DCC: variants seen among roughly 807,000 people sequenced by gnomAD.
DCC encodes the protein netrin receptor DCC.
A neutral mutation model predicts 172.5 loss-of-function variants in DCC; 58 were observed. That is an observed-to-expected ratio of 0.34 (90% confidence interval 0.27 to 0.42). The LOEUF (loss-of-function observed/expected upper bound fraction) is 0.42. Among genes scored for constraint, DCC ranks in the 10% least tolerant of loss-of-function variants. The probability of loss-of-function intolerance (pLI) is 1.00; values close to 1 mark genes in which losing one functional copy is unlikely to be tolerated. For synonymous variants in DCC, 709 were observed against 644.5 expected (o/e 1.10, Z -1.52); for missense variants, 1,740 against 1,791.0 (o/e 0.97, Z 0.51).
At chr18:52,548,142 T>A (rs1169758790) in intron 1 of DCC, among the ~76,000 whole-genome samples, 2 of 152,132 alleles carry the variant, frequency 1.3e-5, no homozygotes, top group African/African-American at 4.8e-5. Flanking sequence ...TAGCCTTTTC[T>A]TTTCTTTTCC....
chr18:52,831,894 AG>A (rs1191601284), intron 2 of DCC, among the ~76,000 whole-genome samples: 1 of 152,130 alleles, frequency 6.6e-6, no homozygotes, highest in Non-Finnish European at 1.5e-5. Context: ...AGGTCTATAA[AG>A]GAGTATCTGA....
At chr18:52,859,839 C>T (rs1212495612) in intron 2 of DCC, among the ~76,000 whole-genome samples, 1 of 150,952 alleles carries the variant, frequency 6.6e-6, no homozygotes, top group Non-Finnish European at 1.5e-5. Context: ...CAAAAAATTA[C>T]ATACATAAAA....
chr18:53,351,303 ATATATATATATACACT>A (rs1488424497), intron 15 of DCC, among the ~76,000 whole-genome samples: 5 of 29,826 alleles, frequency 1.7e-4, no homozygotes, highest in Non-Finnish European at 4.3e-4. Context: ...ATATATATAT[ATATATATATATACACT>A]GTATATATAT....
chr18:52,950,279 G>T (rs1035927539), intron 5 of DCC, among the ~76,000 whole-genome samples: 2 of 152,052 alleles, frequency 1.3e-5, no homozygotes, highest in Admixed American at 6.5e-5. Context: ...TCTAATTTCT[G>T]GACTTACTCT....
chr18:52,807,474 T>C (rs2038109934), intron 2 of DCC, among the ~76,000 whole-genome samples: 2 of 152,220 alleles, frequency 1.3e-5, no homozygotes, highest in Non-Finnish European at 2.9e-5. Context: ...TATATATAAA[T>C]TCAAACATAC....
At chr18:52,832,969 A>T (rs1191246870) in intron 2 of DCC, among the ~76,000 whole-genome samples, 3 of 152,152 alleles carry the variant, frequency 2.0e-5, no homozygotes, top group Non-Finnish European at 4.4e-5. Flanking sequence ...CTACTCTTAG[A>T]TTAGCCATAT....
chr18:52,660,150 A>G (rs1287871233), intron 1 of DCC, among the ~76,000 whole-genome samples: 3 of 152,156 alleles, frequency 2.0e-5, no homozygotes, highest in Admixed American at 6.5e-5. Context: ...TGGTGTGTAA[A>G]CATATTAGCA....
At chr18:52,387,373 G>A (rs556672332) in intron 1 of DCC, among the ~76,000 whole-genome samples, 22 of 152,122 alleles carry the variant, frequency 1.4e-4, no homozygotes, top group Non-Finnish European at 2.2e-4. Context: ...ACCAGAGAGC[G>A]AGTCTGGATG....
intron 12 of DCC, among the ~76,000 whole-genome samples, chr18:53,226,948 A>ATATATATATATATATATTTTTTTTT: frequency 1.5e-4 from 8 of 52,952 alleles, no homozygotes; most frequent in Non-Finnish European, 2.4e-4. Context: ...ATATATATAT[A>ATATATATATATATATATTTTTTTTT]TTTTTTTTTT....
intron 7 of DCC, among the ~76,000 whole-genome samples, chr18:53,151,879 T>A: frequency 6.6e-6 from 1 of 152,138 alleles, no homozygotes; most frequent in East Asian, 1.9e-4. Flanking sequence ...ATGCTTCTTT[T>A]TTTGATAATT....
intron 5 of DCC, among the ~76,000 whole-genome samples, chr18:53,047,124 A>G (rs1023790852): frequency 6.7e-6 from 1 of 149,514 alleles, no homozygotes; most frequent in Admixed American, 6.7e-5. Context: ...AGGAAGGTAA[A>G]TATGTTTATC....
chr18:53,184,572 T>G (rs1157303448), intron 9 of DCC, among the ~76,000 whole-genome samples: 4 of 152,134 alleles, frequency 2.6e-5, no homozygotes, highest in Non-Finnish European at 5.9e-5. Context: ...GTGACGGTAC[T>G]GAATACTGCA....
chr18:52,572,560 G>T (rs1598922948), intron 1 of DCC, among the ~76,000 whole-genome samples: 1 of 152,186 alleles, frequency 6.6e-6, no homozygotes, highest in Non-Finnish European at 1.5e-5. Flanking sequence ...CCAGGCACCT[G>T]CAGTTGAGGG....
chr18:53,175,965 G>C (rs2055086432), intron 8 of DCC, among the ~76,000 whole-genome samples: 1 of 151,890 alleles, frequency 6.6e-6, no homozygotes, highest in Admixed American at 6.6e-5. Context: ...GCATGGTACT[G>C]GTACCAAAAC....
intron 12 of DCC, among the ~76,000 whole-genome samples, chr18:53,220,062 G>A (rs978764991): frequency 8.5e-5 from 13 of 152,112 alleles, no homozygotes; most frequent in Non-Finnish European, 4.4e-5. Context: ...CCATAGCCAA[G>A]TGGGTGGCTG....
chr18:52,857,279 C>A (rs1248020167), intron 2 of DCC, among the ~76,000 whole-genome samples: 1 of 152,190 alleles, frequency 6.6e-6, no homozygotes, highest in South Asian at 2.1e-4. Flanking sequence ...GCTATCCTTG[C>A]TCTAAAGATA....
At chr18:53,245,920 G>A (rs1203999344) in intron 12 of DCC, among the ~76,000 whole-genome samples, 1 of 152,006 alleles carries the variant, frequency 6.6e-6, no homozygotes, top group Admixed American at 6.6e-5. Flanking sequence ...CAGGTTGTAA[G>A]CCTCTCAGAG....
chr18:52,718,062 G>A (rs1172243535), intron 1 of DCC, among the ~76,000 whole-genome samples: 1 of 152,178 alleles, frequency 6.6e-6, no homozygotes, highest in African/African-American at 2.4e-5. Context: ...AAGGAGGCAT[G>A]AGTGGGACTT....
chr18:52,928,597 A>G (rs1447114573), intron 5 of DCC, among the ~76,000 whole-genome samples: 1 of 152,220 alleles, frequency 6.6e-6, no homozygotes, highest in Non-Finnish European at 1.5e-5. Context: ...GTGGATAGAT[A>G]TACACATAGA....
Sources: gnomAD v4.1 joint callset for allele counts (sites outside exome capture counted in the v4.1 genomes callset) on GRCh38, gnomAD v4.1.1 for gene constraint, MANE v1.5 for transcripts, NCBI Gene and HGNC (gene_info 2026-07-23, HGNC 2026-07-21) for gene names.